Variants in DMXL1 observed in about 807,000 individuals in gnomAD.
The protein encoded by DMXL1 is dmX-like protein 1.
Under a neutral mutation model 319.2 loss-of-function variants are expected in DMXL1, and 99 were observed. The ratio of observed to expected loss-of-function variants is 0.31; its 90% CI spans 0.26 to 0.37. The LOEUF (loss-of-function observed/expected upper bound fraction) is 0.37, where lower values mean the gene tolerates loss of function less well. Ranked by LOEUF, DMXL1 falls within the 10% of genes least tolerant of loss-of-function variation. The pLI is 1.00. For missense variants in DMXL1, 3,745 were observed against 3,595.6 expected, an observed-to-expected ratio of 1.04 and a Z score of -1.06; for synonymous variants, 1,385 against 1,235.2, an observed-to-expected ratio of 1.12 and a Z score of -2.54.
intron 19 of DMXL1, among the ~76,000 whole-genome samples, chr5:119,157,303 G>T (rs931887701): frequency 1.3e-5 from 2 of 152,066 alleles, no homozygotes; most frequent in Admixed American, 6.6e-5. Context: ...TGTATTCTTT[G>T]CTATGCAGAC....
chr5:119,197,693 C>T, intron 31 of DMXL1, 62 bp from the exon 32 acceptor site: 2 of 1,470,658 alleles, frequency 1.4e-6, no homozygotes, highest in Non-Finnish European at 9.5e-7. Flanking sequence ...TTCAGTCTTT[C>T]TTAAAATTGA....
chr5:119,193,033 A>G (rs1410117664), intron 29 of DMXL1, among the ~76,000 whole-genome samples: 1 of 152,026 alleles, frequency 6.6e-6, no homozygotes, highest in Non-Finnish European at 1.5e-5. Context: ...TTCATTACTA[A>G]CCACCTATGT....
At chr5:119,186,643 G>A (rs576874231) in intron 28 of DMXL1, among the ~76,000 whole-genome samples, 2 of 152,288 alleles carry the variant, frequency 1.3e-5, no homozygotes, top group African/African-American at 2.4e-5. Flanking sequence ...GTGGTAACAA[G>A]TCTAGCAGTA....
intron 27 of DMXL1, 61 bp downstream of exon 27, chr5:119,177,545 G>A: frequency 7.2e-7 from 1 of 1,388,156 alleles, no homozygotes; most frequent in South Asian, 1.4e-5. Context: ...TAGATAAGTA[G>A]AAAGACTTTT....
rs147009038 is a variant in DMXL1 at position 119,247,622 on chromosome 5, T to C, written c.*403T>C. On this transcript the variant is annotated 3_prime_UTR_variant, in exon 44 of 44. Coordinates refer to ENST00000539542, the MANE Select transcript of DMXL1 (RefSeq NM_001290321.3). ...ATTCACCACACTCTCACTTCCTTTATTAGCCTTATACATCTCAAACTCTTC... is the reference window on the plus strand; with the variant it reads ...ATTCACCACACTCTCACTTCCTTTACTAGCCTTATACATCTCAAACTCTTC... The C allele has an allele frequency of 5.4e-3, 826 of 153,710 alleles. 7 individuals are homozygous for C. The highest frequency in any genetic ancestry group is 0.019 in the African/African-American group (792 of 41,584). The allele number at this position is 153,710 out of a possible 1,614,324, so 9.5% of individuals were successfully genotyped here.
chr5:119,078,028 C>A (rs1751384292), intron 1 of DMXL1, among the ~76,000 whole-genome samples: 1 of 151,850 alleles, frequency 6.6e-6, no homozygotes, highest in East Asian at 1.9e-4. Context: ...AACCACCATG[C>A]CTGGGATGTT....
Position 119,241,715 on chromosome 5 carries a change from T to C in DMXL1, c.8704+1244T>C, listed in dbSNP as rs938064510. ...GTGGCATGTTGTATGGTTCCCATGG[T>C]GTTATTCAAGGTTTACACTGTTGCA... is the stretch of plus-strand genomic sequence containing the variant. On this transcript the variant is annotated intron_variant, in intron 42 of 43. Transcript: ENST00000539542. Among the ~76,000 whole-genome samples, 10 of 152,182 alleles carry C rather than the reference T, an allele frequency of 6.6e-5. 1 individual carries two copies. Among genetic ancestry groups the C allele is most frequent in the African/African-American group, 2.2e-4 (9 of 41,446 alleles).
chr5:119,080,341 C>CG (rs1751925462), intron 1 of DMXL1, among the ~76,000 whole-genome samples: 1 of 152,038 alleles, frequency 6.6e-6, no homozygotes, highest in Non-Finnish European at 1.5e-5. Flanking sequence ...AGCAAGACTT[C>CG]GTCTCAAAAA....
intron 35 of DMXL1, among the ~76,000 whole-genome samples, chr5:119,218,480 G>C (rs1243947079): frequency 1.3e-5 from 2 of 149,964 alleles, no homozygotes; most frequent in East Asian, 3.9e-4. Context: ...ATTTTGAGAC[G>C]GAGTCTCGCT....
In DMXL1 at chr5:119,147,482, T is replaced by C; in HGVS notation, c.2911+12T>C. The C allele has an allele frequency of 1.3e-6, 2 of 1,595,552 alleles. No individual in the cohort carries two copies. The highest frequency in any genetic ancestry group is 1.7e-6 in the Non-Finnish European group (2 of 1,164,522). Reference sequence around the variant, plus strand: ...TAAGCCATCAGCAGGTTTGTAAATTTTATGAAAAGAGACTAATTTTGTAAC... The same window carrying C: ...TAAGCCATCAGCAGGTTTGTAAATTCTATGAAAAGAGACTAATTTTGTAAC... On this transcript the variant is annotated intron_variant, in intron 17 of 43. Transcript: ENST00000539542.
intron 30 of DMXL1, among the ~76,000 whole-genome samples, chr5:119,194,505 T>C (rs1429942885): frequency 6.7e-6 from 1 of 150,310 alleles, no homozygotes; most frequent in Non-Finnish European, 1.5e-5. Context: ...TCTCTATTGA[T>C]ATGTTTACAT....
At chr5:119,073,666 C>T (rs993387867) in intron 1 of DMXL1, among the ~76,000 whole-genome samples, 4 of 152,092 alleles carry the variant, frequency 2.6e-5, no homozygotes, top group African/African-American at 9.7e-5. Flanking sequence ...TCTCTGGAAG[C>T]ATTCAGTAAA....
chr5:119,134,885 T>C (rs1765657901), intron 13 of DMXL1, among the ~76,000 whole-genome samples: 1 of 152,244 alleles, frequency 6.6e-6, no homozygotes, highest in Non-Finnish European at 1.5e-5. Flanking sequence ...CTGCATTGTC[T>C]TGGGACATCC....
intron 1 of DMXL1, among the ~76,000 whole-genome samples, chr5:119,090,442 C>A (rs1019417827): frequency 6.6e-6 from 1 of 151,508 alleles, no homozygotes; most frequent in Non-Finnish European, 1.5e-5. Flanking sequence ...GATAAGCTTT[C>A]TACTTTCTCT....
At position 119,175,265 on chromosome 5, in the gene DMXL1, A is replaced by G. The variant is rs549336221; in HGVS notation, c.6686A>G (p.Tyr2229Cys). The change falls in exon 26 of 44, where the codon TAT becomes TGT. Residue 2229 changes from tyrosine (Y) to cysteine (C), a missense_variant. This residue lies in a region of DMXL1 where 1,382 missense variants were observed against 1,269.5 expected (regional missense o/e 1.09). Transcript: ENST00000539542. ...PHPDIQSNKV[Y>C]VMHTLAASLS... is the part of the protein sequence containing the mutation. Reference sequence around the variant, plus strand: ...AATTTTGTTTTTGTTTTCCAGGTGTATGTAATGCATACTTTAGCAGCTTCA... The same window carrying G: ...AATTTTGTTTTTGTTTTCCAGGTGTGTGTAATGCATACTTTAGCAGCTTCA... 3.9e-5 allele frequency: 63 copies of G among 1,610,074 alleles called. 1 individual carries two copies. In the South Asian group the frequency reaches 6.6e-4, roughly 17 times the overall value.
At chr5:119,189,081 T>C (rs1228038882) in intron 28 of DMXL1, among the ~76,000 whole-genome samples, 2 of 152,180 alleles carry the variant, frequency 1.3e-5, no homozygotes, top group African/African-American at 4.8e-5. Context: ...CTCTTTAGTA[T>C]TCTGAGGTAA....
At chr5:119,071,073 G>T (rs1749409583), upstream of DMXL1, 1 of 160,684 alleles carries the variant, frequency 6.2e-6, no homozygotes, top group Non-Finnish European at 1.4e-5. Flanking sequence ...GCGATATTTC[G>T]GCCGCAGGGA....
Position 119,164,672 on chromosome 5 carries a change from A to G in DMXL1, c.4868A>G (p.Glu1623Gly). The G allele has an allele frequency of 6.3e-7, 1 of 1,591,984 alleles. No individual in the cohort carries two copies. The highest frequency in any genetic ancestry group is 2.2e-5 in the East Asian group (1 of 44,484). Residue 1623 changes from glutamate (E) to glycine (G), a missense_variant, in exon 20 of 44, where the codon GAA (glutamate) becomes GGA (glycine). Transcript: ENST00000539542. The stretch of plus-strand genomic sequence containing the variant: ...ACCCGCATCTTACGCAAATGCATAG[A>G]AAAAGTAAGTGTTTTATTTTGGTGT... ...RNTRILRKCI[E>G]KVAKAAFYRK... is the part of the protein sequence containing the mutation.
chr5:119,072,288 T>TATTC (rs1749780635), intron 1 of DMXL1, among the ~76,000 whole-genome samples: 1 of 152,190 alleles, frequency 6.6e-6, no homozygotes, highest in Non-Finnish European at 1.5e-5. Flanking sequence ...ATTGGTCACA[T>TATTC]ATTGACAAGA....
Sources: allele counts gnomAD v4.1 joint callset (sites outside exome capture counted in the v4.1 genomes callset), GRCh38; gene constraint gnomAD v4.1.1; regional missense constraint gnomAD v4.1.1; transcripts MANE v1.5; gene names NCBI Gene and HGNC (gene_info 2026-07-23, HGNC 2026-07-21).